SNX10: variants seen among roughly 807,000 people sequenced by gnomAD.
SNX10 encodes sorting nexin-10.
A neutral mutation model predicts 28.5 loss-of-function variants in SNX10; 25 were observed. That is an observed-to-expected ratio of 0.88 (90% CI 0.64 to 1.22). The LOEUF (loss-of-function observed/expected upper bound fraction) is 1.22. Ranked by LOEUF, SNX10 falls within the 50% of genes most tolerant of loss-of-function variation. The probability of loss-of-function intolerance (pLI) is 0.00; values close to 1 mark genes in which losing one functional copy is unlikely to be tolerated. For missense variants in SNX10, 223 were observed against 242.6 expected (o/e 0.92, Z 0.54); for synonymous variants, 62 against 81.4 (o/e 0.76, Z 1.28).
intron 3 of SNX10, among the ~76,000 whole-genome samples, chr7:26,362,094 TC>T (rs1172113872): frequency 6.6e-6 from 1 of 152,240 alleles, no homozygotes; most frequent in Non-Finnish European, 1.5e-5. Context: ...TCCTTTCTTC[TC>T]TTTTTTCTTT....
Position 26,328,551 on chromosome 7 carries a change from G to C in SNX10, c.-23-17869G>C, listed in dbSNP as rs76061614. 8.2e-3 allele frequency among the ~76,000 whole-genome samples: 1,246 copies of C among 152,260 alleles called. 8 individuals carry two copies. The highest frequency in any genetic ancestry group is 0.012 in the Non-Finnish European group (811 of 68,004). ...ACCAGAGAATGAGTGTAGAGTGGAA[G>C]GGAAGAGGGCTGCCAGTGGCCCACT... On this transcript the variant is annotated intron_variant, in intron 1 of 6. Coordinates refer to ENST00000338523, the MANE Select transcript of SNX10 (RefSeq NM_013322.3).
rs1293165037 is a variant in SNX10 at position 26,372,534 on chromosome 7, C to T, written c.568C>T (p.His190Tyr). ...LGHSSDDSSS[H>Y]GCKVNTAPQE... Reference sequence around the variant, plus strand: ...ACACAGTAGTGATGACAGCAGTTCACATGGATGTAAAGTAAATACAGCTCC... The same window carrying T: ...ACACAGTAGTGATGACAGCAGTTCATATGGATGTAAAGTAAATACAGCTCC... The change falls in exon 7 of 7, where the codon CAT (histidine) becomes TAT (tyrosine). Residue 190 changes from histidine to tyrosine, a missense_variant. Coordinates refer to ENST00000338523, the MANE Select transcript of SNX10 (RefSeq NM_013322.3). 6.2e-7 allele frequency: 1 copy of T among 1,610,068 alleles called. No individual in the cohort carries two copies. Among genetic ancestry groups the T allele is most frequent in the Non-Finnish European group, 8.5e-7 (1 of 1,176,404 alleles).
chr7:26,303,153 C>T (rs1786443577), intron 1 of SNX10, among the ~76,000 whole-genome samples: 1 of 152,180 alleles, frequency 6.6e-6, no homozygotes, highest in Non-Finnish European at 1.5e-5. Context: ...AAGGCTTTGT[C>T]ATGATTCTTT....
chr7:26,355,729 C>T (rs1441264331), intron 2 of SNX10, among the ~76,000 whole-genome samples: 2 of 152,144 alleles, frequency 1.3e-5, no homozygotes, highest in Admixed American at 1.3e-4. Flanking sequence ...CAAAACAATA[C>T]AATTACAGTG....
chr7:26,297,731 T>A (rs188928773), intron 1 of SNX10, among the ~76,000 whole-genome samples: 30 of 152,246 alleles, frequency 2.0e-4, no homozygotes, highest in Non-Finnish European at 3.8e-4. Flanking sequence ...TAAGTAATAT[T>A]TTTAGAAATA....
At chr7:26,333,855 A>C (rs1301901757) in intron 1 of SNX10, among the ~76,000 whole-genome samples, 2 of 152,152 alleles carry the variant, frequency 1.3e-5, no homozygotes, top group African/African-American at 2.4e-5. Context: ...AATTTCATGC[A>C]CCCAGCTACC....
chr7:26,325,306 A>AT (rs1787457774), intron 1 of SNX10, among the ~76,000 whole-genome samples: 4 of 51,370 alleles, frequency 7.8e-5, no homozygotes, highest in Admixed American at 3.3e-4. Context: ...AAGTTTGCAA[A>AT]ATATATATAT....
intron 1 of SNX10, among the ~76,000 whole-genome samples, chr7:26,331,388 C>T (rs2128004804): frequency 6.6e-6 from 1 of 152,240 alleles, no homozygotes; most frequent in Admixed American, 6.5e-5. Flanking sequence ...GAGTTCCAGA[C>T]CAGTGTGGGC....
chr7:26,323,013 C>T (rs139984241), intron 1 of SNX10, among the ~76,000 whole-genome samples: 3 of 152,104 alleles, frequency 2.0e-5, no homozygotes, highest in African/African-American at 4.8e-5. Context: ...TTTGGGAGTT[C>T]GAGGCAGAAG....
At chr7:26,305,835 C>T (rs1325249595) in intron 1 of SNX10, among the ~76,000 whole-genome samples, 2 of 152,156 alleles carry the variant, frequency 1.3e-5, no homozygotes, top group Non-Finnish European at 2.9e-5. Context: ...TCATTATTGC[C>T]AGCAAGTAAG....
intron 1 of SNX10, among the ~76,000 whole-genome samples, chr7:26,310,288 A>G (rs1018702661): frequency 2.6e-5 from 4 of 152,236 alleles, no homozygotes; most frequent in Non-Finnish European, 4.4e-5. Context: ...AACTCATTCA[A>G]TCAAATTTAA....
At chr7:26,316,762 G>A (rs1728098746) in intron 1 of SNX10, among the ~76,000 whole-genome samples, 1 of 152,196 alleles carries the variant, frequency 6.6e-6, no homozygotes, top group Non-Finnish European at 1.5e-5. Context: ...CAGGGAGGAT[G>A]AACACTGGGC....
rs536865659 is a variant in SNX10 at position 26,327,518 on chromosome 7, G to A, written c.-23-18902G>A. On this transcript the variant is annotated intron_variant, in intron 1 of 6. Coordinates refer to ENST00000338523, the MANE Select transcript of SNX10 (RefSeq NM_013322.3). ...GTTTAGCACTTGACAGCTGGTAGAT[G>A]CTCAGCAAATGTTAGTTTCTTTGGT... Among the ~76,000 whole-genome samples the A allele has an allele frequency of 2.0e-5, 3 of 152,262 alleles. No homozygotes were observed. The South Asian group carries it at 6.2e-4, about 32-fold the overall frequency.
At chr7:26,316,290 T>A (rs1787089062) in intron 1 of SNX10, among the ~76,000 whole-genome samples, 1 of 152,096 alleles carries the variant, frequency 6.6e-6, no homozygotes, top group Non-Finnish European at 1.5e-5. Context: ...TAAATTGGCT[T>A]AGAATCACAT....
At chr7:26,338,006 T>C (rs1278871871) in intron 1 of SNX10, among the ~76,000 whole-genome samples, 3 of 152,184 alleles carry the variant, frequency 2.0e-5, no homozygotes, top group Admixed American at 2.0e-4. Context: ...CTAACGGGTG[T>C]GAGTTAATTT....
chr7:26,336,026 C>T (rs534524494), intron 1 of SNX10, among the ~76,000 whole-genome samples: 5 of 152,134 alleles, frequency 3.3e-5, no homozygotes, highest in East Asian at 1.9e-4. Flanking sequence ...CCACCGCGCC[C>T]GGCCTGGAAT....
At chr7:26,343,958 T>G (rs188959955) in intron 1 of SNX10, among the ~76,000 whole-genome samples, 368 of 152,268 alleles carry the variant, frequency 2.4e-3, no homozygotes, top group African/African-American at 8.5e-3. Flanking sequence ...TCTTTAAAGT[T>G]TTGTTTTAAA....
chr7:26,363,954 T>C (rs2699810), intron 3 of SNX10, among the ~76,000 whole-genome samples: 67,594 of 152,024 alleles, frequency 0.44, 15,792 homozygotes, highest in Middle Eastern at 0.6. Context: ...ATGCCAGATG[T>C]TTATCCCCAC....
chr7:26,346,177 G>A (rs1395400767), intron 1 of SNX10, among the ~76,000 whole-genome samples: 1 of 152,160 alleles, frequency 6.6e-6, no homozygotes, highest in Admixed American at 6.5e-5. Context: ...CGGTTTGAAG[G>A]TCTGTCATCA....
Sources: allele counts gnomAD v4.1 joint callset (sites outside exome capture counted in the v4.1 genomes callset), GRCh38; gene constraint gnomAD v4.1.1; transcripts MANE v1.5; gene names NCBI Gene and HGNC (gene_info 2026-07-23, HGNC 2026-07-21).